SAXO1: variants seen among roughly 807,000 people sequenced by gnomAD.
The protein encoded by SAXO1 is 4930500O09Rik.
A neutral mutation model predicts 17.5 loss-of-function variants in SAXO1; 21 were observed. That is an observed-to-expected ratio of 1.20 (90% CI 0.85 to 1.72). SAXO1 has a LOEUF of 1.72. Ranked by LOEUF, SAXO1 falls within the 40% of genes most tolerant of loss-of-function variation. The pLI, the probability that SAXO1 is intolerant of heterozygous loss-of-function variation, is 0.00. For missense variants in SAXO1, 843 were observed against 596.0 expected, an observed-to-expected ratio of 1.41 and a Z score of -4.32; for synonymous variants, 274 against 216.5, an observed-to-expected ratio of 1.27 and a Z score of -2.33.
intron 1 of SAXO1, among the ~76,000 whole-genome samples, chr9:19,020,740 G>A (rs1289732439): frequency 6.6e-6 from 1 of 152,160 alleles, no homozygotes; most frequent in Non-Finnish European, 1.5e-5. Context: ...CACTTGATAA[G>A]GATGTCTTCT....
At chr9:18,932,455 G>C (rs1831095956) in intron 3 of SAXO1, among the ~76,000 whole-genome samples, 1 of 152,160 alleles carries the variant, frequency 6.6e-6, no homozygotes. Context: ...TTGTAATCAG[G>C]AAGTGTAAGT....
At position 19,033,178 on chromosome 9, in the gene SAXO1, A is replaced by G. The variant is rs1835844077; in HGVS notation, c.-270T>C. ...TGCACGCCACCGCCCCGGCCTCCGC[A>G]GTCCAGACTTAAGCACCTGGAGCGG... On this transcript the variant is annotated 5_prime_UTR_variant, in exon 1 of 4. Transcript: ENST00000380534. 1 of 395,134 alleles carries G rather than the reference A, an allele frequency of 2.5e-6. No individual in the cohort carries two copies. Among genetic ancestry groups the G allele is most frequent in the Non-Finnish European group, 4.5e-6 (1 of 222,264 alleles). 24.5% of individuals were successfully genotyped at this position (395,134 alleles called of 1,614,324 possible). A position where few individuals can be genotyped will look rare whatever the true frequency, so the allele number is the denominator to read the frequency against.
intron 1 of SAXO1, among the ~76,000 whole-genome samples, chr9:18,986,436 AT>A (rs769391250): frequency 2.6e-5 from 4 of 152,222 alleles, no homozygotes; most frequent in Non-Finnish European, 4.4e-5. Context: ...AATGTAGTAA[AT>A]GGTCAAAGAA....
rs1831787170 is a variant in SAXO1 at position 18,946,179 on chromosome 9, G to C, written c.219-4340C>G. 2.0e-5 allele frequency among the ~76,000 whole-genome samples: 3 copies of C among 150,748 alleles called. No homozygotes were observed. The South Asian group carries it at 6.3e-4, about 32-fold the overall frequency. Reference sequence around the variant, plus strand: ...TAATCCTAACTACTCGGGAGGCTGAGGCAGGAGAATCGCTTGAACTCGGGA... The same window carrying C: ...TAATCCTAACTACTCGGGAGGCTGACGCAGGAGAATCGCTTGAACTCGGGA... On this transcript the variant is annotated intron_variant, in intron 2 of 3. Coordinates refer to ENST00000380534, the MANE Select transcript of SAXO1 (RefSeq NM_153707.4).
chr9:18,956,395 A>C (rs546523174), intron 1 of SAXO1, among the ~76,000 whole-genome samples: 4 of 152,154 alleles, frequency 2.6e-5, no homozygotes, highest in Non-Finnish European at 4.4e-5. Context: ...ATGAACTTTC[A>C]ATAGTTTTTT....
intron 1 of SAXO1, among the ~76,000 whole-genome samples, chr9:19,023,214 A>G (rs941959232): frequency 1.4e-5 from 2 of 142,926 alleles, no homozygotes; most frequent in Non-Finnish European, 1.5e-5. Flanking sequence ...GTTAGTAAAC[A>G]ATCCTAACTC....
At chr9:18,959,565 G>A (rs1487861553) in intron 1 of SAXO1, among the ~76,000 whole-genome samples, 3 of 152,170 alleles carry the variant, frequency 2.0e-5, no homozygotes, top group Non-Finnish European at 4.4e-5. Context: ...GAGGTCAGGA[G>A]TTCAAGACCA....
chr9:19,005,988 G>A (rs1388501805), intron 1 of SAXO1, among the ~76,000 whole-genome samples: 1 of 152,086 alleles, frequency 6.6e-6, no homozygotes, highest in East Asian at 1.9e-4. Flanking sequence ...CTCTCCAAAG[G>A]AGATATACAA....
At chr9:19,012,501 G>A (rs1180983551) in intron 1 of SAXO1, among the ~76,000 whole-genome samples, 1 of 152,234 alleles carries the variant, frequency 6.6e-6, no homozygotes. Flanking sequence ...CTAAAGATAT[G>A]TCAATGTGGC....
intron 1 of SAXO1, among the ~76,000 whole-genome samples, chr9:18,965,122 T>A (rs1278546328): frequency 4.6e-5 from 7 of 152,310 alleles, no homozygotes; most frequent in African/African-American, 1.7e-4. Flanking sequence ...CCTGAGACAC[T>A]GTTTGTTATG....
chr9:19,023,517 T>G (rs1217092708), intron 1 of SAXO1, among the ~76,000 whole-genome samples: 1 of 151,930 alleles, frequency 6.6e-6, no homozygotes, highest in Non-Finnish European at 1.5e-5. Context: ...CATGACACAG[T>G]TAGGGAGCAG....
At chr9:18,959,477 G>A (rs1832394744) in intron 1 of SAXO1, among the ~76,000 whole-genome samples, 1 of 152,088 alleles carries the variant, frequency 6.6e-6, no homozygotes, top group African/African-American at 2.4e-5. Flanking sequence ...GGCAGGACTA[G>A]AAGCTAGGAA....
intron 1 of SAXO1, among the ~76,000 whole-genome samples, chr9:18,976,363 G>A (rs779688053): frequency 6.6e-6 from 1 of 152,184 alleles, no homozygotes; most frequent in Non-Finnish European, 1.5e-5. Context: ...CAGGGAGAGA[G>A]CTCTTGCTAC....
intron 1 of SAXO1, among the ~76,000 whole-genome samples, chr9:18,958,665 G>A (rs998557777): frequency 2.0e-5 from 3 of 152,066 alleles, no homozygotes; most frequent in Non-Finnish European, 4.4e-5. Context: ...AGACTACCTA[G>A]ATCAATTAAG....
intron 1 of SAXO1, among the ~76,000 whole-genome samples, chr9:19,021,077 C>T (rs991033090): frequency 2.0e-5 from 3 of 152,202 alleles, no homozygotes; most frequent in African/African-American, 7.2e-5. Flanking sequence ...TCTAGCTGCC[C>T]AGTTTGTTCT....
intron 1 of SAXO1, among the ~76,000 whole-genome samples, chr9:18,964,648 C>T (rs1464304287): frequency 6.6e-6 from 1 of 152,146 alleles, no homozygotes; most frequent in Non-Finnish European, 1.5e-5. Context: ...ATTCTTCTCT[C>T]TTTTCTTCTT....
chr9:18,956,110 A>ACTTT lies in SAXO1; in HGVS notation c.39-5174_39-5173insAAAG, dbSNP rs1554670629. Among the ~76,000 whole-genome samples, 12 of 128,812 alleles carry ACTTT rather than the reference A, an allele frequency of 9.3e-5. 3 individuals are homozygous for ACTTT. Among genetic ancestry groups the ACTTT allele is most frequent in the Non-Finnish European group, 1.5e-4 (9 of 61,028 alleles). The allele number at this position is 128,812 out of a possible 152,430, so 84.5% of individuals were successfully genotyped here. A position where few individuals can be genotyped will look rare whatever the true frequency, so the allele number is the denominator to read the frequency against. On this transcript the variant is annotated intron_variant, in intron 1 of 3. Coordinates refer to ENST00000380534, the MANE Select transcript of SAXO1 (RefSeq NM_153707.4). ...CATGCACCACTGCACAACCTGGCTA[A>ACTTT]TTTTTTTTTTTTTTTTTTTTTGTAG...
At chr9:18,942,899 A>G (rs1014997461) in intron 2 of SAXO1, among the ~76,000 whole-genome samples, 3 of 152,210 alleles carry the variant, frequency 2.0e-5, no homozygotes, top group African/African-American at 7.2e-5. Flanking sequence ...CATTTATTCA[A>G]CTGGACAAAG....
In SAXO1 at chr9:19,007,419, A is replaced by T. The variant is rs146332030; in HGVS notation, c.38+25452T>A. Among the ~76,000 whole-genome samples, 1,112 of 152,330 alleles carry T rather than the reference A, an allele frequency of 7.3e-3. 11 individuals carry two copies. Among genetic ancestry groups the T allele is most frequent in the South Asian group, 0.045 (217 of 4,830 alleles). ...CATATTTTATCACATTTAAAAAAACAAAGAAGTTCAACTTTTTAAAATACG... is the reference window on the plus strand; with the variant it reads ...CATATTTTATCACATTTAAAAAAACTAAGAAGTTCAACTTTTTAAAATACG... On this transcript the variant is annotated intron_variant, in intron 1 of 3. Transcript: ENST00000380534.
Sources: gnomAD v4.1 joint callset for allele counts (sites outside exome capture counted in the v4.1 genomes callset) on GRCh38, gnomAD v4.1.1 for gene constraint, MANE v1.5 for transcripts, NCBI Gene and HGNC (gene_info 2026-07-23, HGNC 2026-07-21) for gene names.